Variants in PDZD7 observed in about 807,000 individuals in gnomAD.
PDZD7 encodes the protein PDZ domain-containing protein 7.
A neutral mutation model predicts 84.7 loss-of-function variants in PDZD7; 72 were observed. The ratio of observed to expected loss-of-function variants is 0.85; its 90% CI spans 0.70 to 1.03. The LOEUF (loss-of-function observed/expected upper bound fraction) is 1.03, where lower values mean the gene tolerates loss of function less well. Ranked by LOEUF, PDZD7 falls within the 50% of genes least tolerant of loss-of-function variation. The pLI is 0.00. For missense variants in PDZD7, 1,490 were observed against 1,412.9 expected (o/e 1.05, Z -0.87); for synonymous variants, 594 against 580.7 (o/e 1.02, Z -0.33).
At chr10:101,028,547 A>T (rs1371369259) in intron 2 of PDZD7, among the ~76,000 whole-genome samples, 1 of 151,846 alleles carries the variant, frequency 6.6e-6, no homozygotes. Flanking sequence ...GTGAGCTATG[A>T]TCACACCACT....
At chr10:101,017,843 G>T in intron 9 of PDZD7, 3 of 282,044 alleles carry the variant, frequency 1.1e-5, no homozygotes, top group Non-Finnish European at 1.2e-5. Flanking sequence ...AGGAAGGAAA[G>T]AAAGAAAGAA....
chr10:101,010,471 GC>G lies in PDZD7; in HGVS notation c.2417del (p.Ser806ThrfsTer2). On this transcript the variant is annotated frameshift_variant, in exon 15 of 17. Transcript: ENST00000619208. LOFTEE classifies it high-confidence loss of function. Reference protein sequence around the residue: ...SPSPVPTPAPSMTNGRYHKPR... With the variant: ...SPSPVPTPAPXMTNGRYHKPR... ...GCTTGTGGTAGCGCCCATTGGTCATGCTGGGGGCAGGGGTAGGCACCGGGGA... is the reference window on the plus strand; with the variant it reads ...GCTTGTGGTAGCGCCCATTGGTCATGTGGGGGCAGGGGTAGGCACCGGGGA... The G allele has an allele frequency of 6.5e-7, 1 of 1,535,882 alleles. No individual in the cohort carries two copies. Among genetic ancestry groups the G allele is most frequent in the Non-Finnish European group, 8.7e-7 (1 of 1,146,728 alleles).
intron 11 of PDZD7, 102 bp from the exon 12 acceptor site, chr10:101,012,360 C>A (rs1377850446): frequency 3.1e-6 from 3 of 970,902 alleles, no homozygotes; most frequent in Non-Finnish European, 4.7e-6. Flanking sequence ...CATGTAGGGA[C>A]CTATCCAGCC....
chr10:101,020,748 G>A (rs1292883301), intron 6 of PDZD7, 70 bp from the exon 7 acceptor site: 5 of 1,151,006 alleles, frequency 4.3e-6, no homozygotes, highest in East Asian at 4.7e-5. Context: ...ATGGGGCGGG[G>A]GTGACAGGAT....
At chr10:101,024,455 A>C (rs1380275011) in intron 2 of PDZD7, among the ~76,000 whole-genome samples, 1 of 130,076 alleles carries the variant, frequency 7.7e-6, no homozygotes, top group Admixed American at 7.1e-5. Context: ...TGTTGCCCAG[A>C]CTGGCCCAAA....
Position 101,024,038 on chromosome 10 carries a change from GA to G in PDZD7, c.256del (p.Ser86GlnfsTer51). On this transcript the variant is annotated frameshift_variant, in exon 3 of 17. Coordinates refer to ENST00000619208, the MANE Select transcript of PDZD7 (RefSeq NM_001195263.2). LOFTEE classifies it high-confidence loss of function. ...TGCTGGACTCTTCTCCACCCGGACT[GA>G]ATGGATGATGTCACTTTCATCACTG... ...ANSDESDIIH[S>X]VRVEKSPAGR... 6.2e-7 allele frequency: 1 copy of G among 1,614,278 alleles called. No individual in the cohort carries two copies. Among genetic ancestry groups the G allele is most frequent in the Non-Finnish European group, 8.5e-7 (1 of 1,180,050 alleles).
In PDZD7 at chr10:101,011,714, G is replaced by A. The variant is rs1440496362; in HGVS notation, c.1981C>T (p.Arg661Cys). The change falls in exon 14 of 17, where the codon CGT becomes TGT. Residue 661 changes from arginine (R) to cysteine (C), a missense_variant. Coordinates refer to ENST00000619208, the MANE Select transcript of PDZD7 (RefSeq NM_001195263.2). Reference sequence around the variant, plus strand: ...CCAGGCACGGGGGTGATAAGGTGACGCTTGGGTGGCGTGTCCTGCCGGGCT... The same window carrying A: ...CCAGGCACGGGGGTGATAAGGTGACACTTGGGTGGCGTGTCCTGCCGGGCT... The part of the protein sequence containing the change: ...RPARQDTPPK[R>C]HLITPVPDSR... The A allele has an allele frequency of 6.5e-7, 1 of 1,542,130 alleles. No homozygotes were observed. The highest frequency in any genetic ancestry group is 2.4e-5 in the East Asian group (1 of 40,918).
chr10:101,019,364 G>C lies in PDZD7; in HGVS notation c.929-147C>G, dbSNP rs1852922740. On this transcript the variant is annotated intron_variant, in intron 7 of 16. Transcript: ENST00000619208. ...GCAGTGGTGAGGAACCCGCTGCTCC[G>C]AAATGCTGCCACTGACCTAAGGCAT... 4 of 1,006,420 alleles carry C rather than the reference G, an allele frequency of 4.0e-6. No individual in the cohort carries two copies. In the East Asian group the frequency reaches 7.9e-5, roughly 20 times the overall value. The allele number at this position is 1,006,420 out of a possible 1,614,324, so 62.3% of individuals were successfully genotyped here. A position where few individuals can be genotyped will look rare whatever the true frequency, so the allele number is the denominator to read the frequency against.
intron 9 of PDZD7, chr10:101,017,838 GGAAA>G (rs1202852543): frequency 0.054 from 9,092 of 168,282 alleles, 222 homozygotes; most frequent in Middle Eastern, 0.09. Context: ...AAGGAAGGAA[GGAAA>G]GAAAGAAAGA....
In PDZD7 at chr10:101,020,620, C is replaced by G. The variant is rs528381893; in HGVS notation, c.926G>C (p.Arg309Pro). The G allele has an allele frequency of 6.2e-6, 10 of 1,613,504 alleles. No homozygotes were observed. The Admixed American group carries it at 1.2e-4, about 19-fold the overall frequency. Residue 309 changes from arginine (R) to proline (P), a missense_variant and splice_region_variant, in exon 7 of 17, where the codon CGA (arginine) becomes CCA (proline). By Grantham distance (103) the Arg-to-Pro change is moderately radical. Coordinates refer to ENST00000619208, the MANE Select transcript of PDZD7 (RefSeq NM_001195263.2). ...CTTGGGAGATCTGAGCCACTTACGT[C>G]GGTCCAGCCAGCAGTACTCAGAAAC... The part of the protein sequence containing the change: ...EMVSEYCWLD[R>P]LSNGVLQQLS...
In PDZD7 at chr10:101,008,649, A is replaced by G. The variant is rs903754280; in HGVS notation, c.2920T>C (p.Leu974=). 1.3e-6 allele frequency: 2 copies of G among 1,536,018 alleles called. No homozygotes were observed. The highest frequency in any genetic ancestry group is 2.0e-5 in the Admixed American group (1 of 50,984). ...GCATCAAGGGGTTGGTGGGCAGGCA[A>G]GTGGTCAGCAGGAAGGCCCCCATCA... ...LTDGGLPADH[L]PAHQPLDAAP... Residue 974 remains leucine (L), a synonymous_variant, in exon 17 of 17, where the codon TTG becomes CTG. Transcript: ENST00000619208.
At chr10:101,009,911 CAG>C (rs1445475919) in intron 15 of PDZD7, among the ~76,000 whole-genome samples, 2 of 151,046 alleles carry the variant, frequency 1.3e-5, no homozygotes, top group East Asian at 2.0e-4. Context: ...CCGGCTGAGA[CAG>C]AGTCTTACTC....
In PDZD7 at chr10:101,008,171, C is replaced by T; in HGVS notation, c.*296G>A. Reference sequence around the variant, plus strand: ...AAGGGACAGCATGTGAGAAAGTGCCCACCAATCCCAAGCTCCAGACCTTGG... The same window carrying T: ...AAGGGACAGCATGTGAGAAAGTGCCTACCAATCCCAAGCTCCAGACCTTGG... On this transcript the variant is annotated 3_prime_UTR_variant, in exon 17 of 17. Coordinates refer to ENST00000619208, the MANE Select transcript of PDZD7 (RefSeq NM_001195263.2). The T allele has an allele frequency of 2.2e-6, 1 of 460,288 alleles. No individual in the cohort carries two copies. Among genetic ancestry groups the T allele is most frequent in the Non-Finnish European group, 3.8e-6 (1 of 260,640 alleles). The allele number at this position is 460,288 out of a possible 1,614,324, so 28.5% of individuals were successfully genotyped here.
intron 16 of PDZD7, 103 bp downstream of exon 16, chr10:101,009,147 C>A: frequency 8.9e-7 from 1 of 1,118,314 alleles, no homozygotes; most frequent in Non-Finnish European, 1.3e-6. Context: ...CTCCCACAAC[C>A]CGGGCTAAAC....
At position 101,030,387 on chromosome 10, in the gene PDZD7, G is replaced by A. The variant is rs1188512789; in HGVS notation, c.-165-3C>T. 2.8e-6 allele frequency: 2 copies of A among 713,438 alleles called. No homozygotes were observed. Among genetic ancestry groups the A allele is most frequent in the Non-Finnish European group, 5.0e-6 (2 of 396,192 alleles). The allele number at this position is 713,438 out of a possible 1,614,324, so 44.2% of individuals were successfully genotyped here. On this transcript the variant is annotated splice_region_variant and splice_polypyrimidine_tract_variant and intron_variant, in intron 1 of 16. Coordinates refer to ENST00000619208, the MANE Select transcript of PDZD7 (RefSeq NM_001195263.2). Reference sequence around the variant, plus strand: ...TCTCAGAAGTGTGAGCTCCAGGCCTGGGCAGGGAGAGCAGGGATGAGGGAG... The same window carrying A: ...TCTCAGAAGTGTGAGCTCCAGGCCTAGGCAGGGAGAGCAGGGATGAGGGAG...
intron 2 of PDZD7, among the ~76,000 whole-genome samples, chr10:101,028,630 A>G (rs1373019094): frequency 6.6e-6 from 1 of 151,586 alleles, no homozygotes; most frequent in Non-Finnish European, 1.5e-5. Context: ...CGTTATAAAC[A>G]GCGCTTGCAT....
rs560381273 is a variant in PDZD7 at position 101,008,257 on chromosome 10, C to G, written c.*210G>C. On this transcript the variant is annotated 3_prime_UTR_variant, in exon 17 of 17. Transcript: ENST00000619208. ...GAGCAGTGAGTGCAGGTGACACAGG[C>G]TGCCCACTAGCACCTTGTCCTTGGA... 5.1e-6 allele frequency: 3 copies of G among 585,676 alleles called. No individual in the cohort carries two copies. Among genetic ancestry groups the G allele is most frequent in the Non-Finnish European group, 8.7e-6 (3 of 343,140 alleles). 36.3% of individuals were successfully genotyped at this position (585,676 alleles called of 1,614,324 possible).
rs574220992 is a variant in PDZD7 at position 101,030,233 on chromosome 10, G to C, written c.-14C>G. On this transcript the variant is annotated 5_prime_UTR_variant, in exon 2 of 17. Transcript: ENST00000619208. ...ACCCTGCGCCATGGCGGCTGGGCTA[G>C]GGCGGCACCCTACAGGTCCAGAAGG... is the stretch of plus-strand genomic sequence containing the variant. 214 of 1,586,704 alleles carry C rather than the reference G, an allele frequency of 1.3e-4. No homozygotes were observed. The East Asian group carries it at 4.4e-3, about 33-fold the overall frequency.
At chr10:101,010,049 C>T (rs931062756) in intron 15 of PDZD7, among the ~76,000 whole-genome samples, 4 of 152,188 alleles carry the variant, frequency 2.6e-5, no homozygotes, top group African/African-American at 9.7e-5. Flanking sequence ...CCCACCACCA[C>T]ACACGGCTAA....
Sources: gnomAD v4.1 joint callset for allele counts (sites outside exome capture counted in the v4.1 genomes callset) on GRCh38, gnomAD v4.1.1 for gene constraint, MANE v1.5 for transcripts, NCBI Gene and HGNC (gene_info 2026-07-23, HGNC 2026-07-21) for gene names.